Variants in CLGN observed in about 807,000 individuals in gnomAD.
The protein encoded by CLGN is testis tissue sperm-binding protein Li 79P.
In CLGN, 62 loss-of-function variants were observed where a neutral mutation model predicts 79.1. The ratio of observed to expected loss-of-function variants is 0.78; its 90% CI spans 0.64 to 0.97. CLGN has a LOEUF of 0.97. Among genes scored for constraint, CLGN ranks in the 50% least tolerant of loss-of-function variants. The pLI, the probability that CLGN is intolerant of heterozygous loss-of-function variation, is 0.00. For synonymous variants in CLGN, 225 were observed against 224.7 expected, an observed-to-expected ratio of 1.00 and a Z score of -0.01; for missense variants, 647 against 715.5, an observed-to-expected ratio of 0.90 and a Z score of 1.09.
intron 1 of CLGN, among the ~76,000 whole-genome samples, chr4:140,416,640 A>T (rs1417950506): frequency 6.6e-6 from 1 of 150,746 alleles, no homozygotes; most frequent in Non-Finnish European, 1.5e-5. Flanking sequence ...CTCTCCCAAG[A>T]CTAAACCAGG....
At chr4:140,414,393 A>G (rs1434066569) in intron 1 of CLGN, among the ~76,000 whole-genome samples, 1 of 151,572 alleles carries the variant, frequency 6.6e-6, no homozygotes, top group African/African-American at 2.4e-5. Context: ...CAGATGATCA[A>G]ATTACTCTGA....
At chr4:140,396,878 T>TATATATATATAC (rs1184702210) in intron 8 of CLGN, among the ~76,000 whole-genome samples, 1 of 65,320 alleles carries the variant, frequency 1.5e-5, no homozygotes, top group Non-Finnish European at 2.7e-5. Flanking sequence ...TATATACATA[T>TATATATATATAC]ATATATATAT....
Position 140,402,077 on chromosome 4 carries a change from G to A in CLGN, c.420-11C>T. ...AAATTTACTTCATATCTGAATAAAG[G>A]GAAAAAGAACCGTACTACTGATAAA... is the stretch of plus-strand genomic sequence containing the variant. On this transcript the variant is annotated splice_polypyrimidine_tract_variant and intron_variant, in intron 5 of 14. Coordinates refer to ENST00000325617, the MANE Select transcript of CLGN (RefSeq NM_004362.3). 1 of 1,440,580 alleles carries A rather than the reference G, an allele frequency of 6.9e-7. No individual in the cohort carries two copies. The highest frequency in any genetic ancestry group is 9.6e-7 in the Non-Finnish European group (1 of 1,043,806). 89.2% of individuals were successfully genotyped at this position (1,440,580 alleles called of 1,614,324 possible).
chr4:140,420,121 T>C (rs913639616), intron 1 of CLGN, among the ~76,000 whole-genome samples: 5 of 152,108 alleles, frequency 3.3e-5, no homozygotes, highest in African/African-American at 1.2e-4. Context: ...AAACAATTAA[T>C]TTGTTGAAAA....
chr4:140,398,766 C>T, intron 8 of CLGN, 85 bp downstream of exon 8: 1 of 1,191,946 alleles, frequency 8.4e-7, no homozygotes, highest in Non-Finnish European at 1.2e-6. Context: ...AAAAAATAAA[C>T]TTCATGGGTT....
intron 1 of CLGN, among the ~76,000 whole-genome samples, chr4:140,425,120 G>A (rs1037136984): frequency 6.6e-6 from 1 of 152,198 alleles, no homozygotes; most frequent in Non-Finnish European, 1.5e-5. Flanking sequence ...TGTATAGTGT[G>A]GGAGAAGTTG....
chr4:140,417,647 A>T (rs1273971650), intron 1 of CLGN, among the ~76,000 whole-genome samples: 125 of 151,924 alleles, frequency 8.2e-4, no homozygotes, highest in Non-Finnish European at 1.3e-4. Context: ...CTTACAAGGG[A>T]TGTGAAGGAC....
chr4:140,417,175 A>ATATT (rs1729357198), intron 1 of CLGN, among the ~76,000 whole-genome samples: 1 of 144,806 alleles, frequency 6.9e-6, no homozygotes, highest in Admixed American at 7.0e-5. Flanking sequence ...AACTCTCAAT[A>ATATT]AATTAGGTAT....
chr4:140,400,651 T>C lies in CLGN; in HGVS notation c.502-102A>G, dbSNP rs575888887. 108 of 679,896 alleles carry C rather than the reference T, an allele frequency of 1.6e-4. No homozygotes were observed. In the African/African-American group the frequency reaches 1.8e-3, roughly 11 times the overall value. 42.1% of individuals were successfully genotyped at this position (679,896 alleles called of 1,614,324 possible). A position where few individuals can be genotyped will look rare whatever the true frequency, so the allele number is the denominator to read the frequency against. ...GTAGAGTTTACAAAAATATATTAAA[T>C]GGTAATTCACCAGAGAGCTAGCTAT... On this transcript the variant is annotated intron_variant, in intron 6 of 14. Coordinates refer to ENST00000325617, the MANE Select transcript of CLGN (RefSeq NM_004362.3).
At chr4:140,416,617 C>A (rs1421070187) in intron 1 of CLGN, among the ~76,000 whole-genome samples, 1 of 149,380 alleles carries the variant, frequency 6.7e-6, no homozygotes, top group Non-Finnish European at 1.5e-5. Flanking sequence ...GGATACATTC[C>A]TCGACACATA....
At chr4:140,424,253 T>C (rs1204715654) in intron 1 of CLGN, among the ~76,000 whole-genome samples, 1 of 152,220 alleles carries the variant, frequency 6.6e-6, no homozygotes, top group Non-Finnish European at 1.5e-5. Context: ...TAACTTTTCT[T>C]GAGACTTATT....
chr4:140,398,801 CA>C (rs1728942201), intron 8 of CLGN, 49 bp downstream of exon 8: 1 of 1,490,496 alleles, frequency 6.7e-7, no homozygotes, highest in Admixed American at 1.8e-5. Context: ...TATGTTGTTT[CA>C]TTACCTAGTT....
At chr4:140,399,287 A>T (rs1378997577) in intron 7 of CLGN, among the ~76,000 whole-genome samples, 1 of 152,220 alleles carries the variant, frequency 6.6e-6, no homozygotes, top group South Asian at 2.1e-4. Context: ...ATAAAAAATA[A>T]TACCAAATAG....
At position 140,395,810 on chromosome 4, in the gene CLGN, G is replaced by A. The variant is rs772773103; in HGVS notation, c.1149+9C>T. 7.8e-6 allele frequency: 11 copies of A among 1,413,168 alleles called. No homozygotes were observed. Among genetic ancestry groups the A allele is most frequent in the African/African-American group, 5.8e-5 (4 of 69,052 alleles). The allele number at this position is 1,413,168 out of a possible 1,614,324, so 87.5% of individuals were successfully genotyped here. A position where few individuals can be genotyped will look rare whatever the true frequency, so the allele number is the denominator to read the frequency against. ...ACTTCACTAAATAATTGGAACAAGC[G>A]GTTGTTACCTGATAGTTAGGATTAT... On this transcript the variant is annotated intron_variant, in intron 10 of 14. Coordinates refer to ENST00000325617, the MANE Select transcript of CLGN (RefSeq NM_004362.3).
chr4:140,423,249 A>G (rs569662150), intron 1 of CLGN, among the ~76,000 whole-genome samples: 106 of 152,238 alleles, frequency 7.0e-4, no homozygotes, highest in African/African-American at 2.1e-3. Flanking sequence ...TTATTATGAA[A>G]GAGTGTTGAA....
At position 140,392,712 on chromosome 4, in the gene CLGN, C is replaced by G; in HGVS notation, c.1366-1G>C. On this transcript the variant is annotated splice_acceptor_variant, in intron 11 of 14. Transcript: ENST00000325617. LOFTEE classifies it high-confidence loss of function. ...CCATTAACTGTTTTAATACACCAGGCTATAGACGAGATAAGCATAAAAATG... is the reference window on the plus strand; with the variant it reads ...CCATTAACTGTTTTAATACACCAGGGTATAGACGAGATAAGCATAAAAATG... The G allele has an allele frequency of 1.3e-6, 2 of 1,575,416 alleles. No homozygotes were observed. The highest frequency in any genetic ancestry group is 1.7e-6 in the Non-Finnish European group (2 of 1,166,480).
Position 140,409,721 on chromosome 4 carries a change from T to A in CLGN, c.277+116A>T, listed in dbSNP as rs1578602396. On this transcript the variant is annotated intron_variant, in intron 4 of 14. Transcript: ENST00000325617. Reference sequence around the variant, plus strand: ...GGACAAGATAAAAGACTGAACATTTTATTGTGAGGCAGGGTGGGGGACTCC... The same window carrying A: ...GGACAAGATAAAAGACTGAACATTTAATTGTGAGGCAGGGTGGGGGACTCC... 1.5e-5 allele frequency: 8 copies of A among 548,192 alleles called. No homozygotes were observed. The East Asian group carries it at 2.6e-4, about 18-fold the overall frequency. 34.0% of individuals were successfully genotyped at this position (548,192 alleles called of 1,614,324 possible).
chr4:140,409,599 G>C (rs779722458), intron 4 of CLGN, among the ~76,000 whole-genome samples: 1 of 152,070 alleles, frequency 6.6e-6, no homozygotes, highest in Non-Finnish European at 1.5e-5. Context: ...AACAGCAGTA[G>C]AGTGAAAATT....
intron 8 of CLGN, among the ~76,000 whole-genome samples, chr4:140,398,369 A>C (rs1220934785): frequency 6.8e-6 from 1 of 147,256 alleles, no homozygotes; most frequent in Non-Finnish European, 1.5e-5. Context: ...TCCTGGGTTC[A>C]AGCAATTCTC....
Sources: allele counts gnomAD v4.1 joint callset (sites outside exome capture counted in the v4.1 genomes callset), GRCh38; gene constraint gnomAD v4.1.1; transcripts MANE v1.5; gene names NCBI Gene and HGNC (gene_info 2026-07-23, HGNC 2026-07-21).